SF3B3: variants seen among roughly 807,000 people sequenced by gnomAD.
SF3B3 encodes the protein splicing factor 3b subunit 3.
In SF3B3, 33 loss-of-function variants were observed where a neutral mutation model predicts 139.2. That is an observed-to-expected ratio of 0.24 (90% CI 0.18 to 0.32). The LOEUF (loss-of-function observed/expected upper bound fraction) is 0.32, where lower values mean the gene tolerates loss of function less well. SF3B3 is among the 10% of genes least tolerant of loss of function. SF3B3 has a pLI of 1.00. For missense variants in SF3B3, 818 were observed against 1,509.4 expected (o/e 0.54, Z 7.59); for synonymous variants, 596 against 563.6 (o/e 1.06, Z -0.81).
intron 11 of SF3B3, among the ~76,000 whole-genome samples, chr16:70,553,565 A>C (rs78196049): frequency 0.032 from 4,816 of 151,812 alleles, 287 homozygotes; most frequent in African/African-American, 0.11. Flanking sequence ...TTAAAAAATT[A>C]GCATGCCTTT....
chr16:70,526,601 G>A lies in SF3B3; in HGVS notation c.-56G>A, dbSNP rs1449462627. ...TGTTTTCTTAGCTTTCTTGGACTCC[G>A]TACTGTTGGTGTAACCAAGGCCTGG... On this transcript the variant is annotated 5_prime_UTR_variant, in exon 2 of 26. Coordinates refer to ENST00000302516, the MANE Select transcript of SF3B3 (RefSeq NM_012426.5). 1.3e-5 allele frequency: 16 copies of A among 1,244,908 alleles called. No homozygotes were observed. Among genetic ancestry groups the A allele is most frequent in the Non-Finnish European group, 1.5e-5 (13 of 854,132 alleles). 77.1% of individuals were successfully genotyped at this position (1,244,908 alleles called of 1,614,324 possible).
chr16:70,554,709 A>G, intron 12 of SF3B3, 112 bp downstream of exon 12: 1 of 1,096,536 alleles, frequency 9.1e-7, no homozygotes, highest in Non-Finnish European at 1.3e-6. Flanking sequence ...AGCAAGCCTT[A>G]GGGGTAGGGA....
intron 5 of SF3B3, 24 bp from the exon 6 acceptor site, chr16:70,535,284 G>T: frequency 7.7e-7 from 1 of 1,294,310 alleles, no homozygotes; most frequent in Non-Finnish European, 1.1e-6. Context: ...CAAAGTCACT[G>T]CTAAGTTTTA....
intron 8 of SF3B3, among the ~76,000 whole-genome samples, 194 bp from the exon 9 acceptor site, chr16:70,541,471 TACTC>T (rs759259103): frequency 1.3e-5 from 2 of 152,216 alleles, no homozygotes; most frequent in Non-Finnish European, 2.9e-5. Context: ...ATAAATAAAA[TACTC>T]ACTGCACTTC....
rs538127844 is a variant in SF3B3, at chr16:70,558,314, C to T, written c.2010+1285C>T. ...AAAAAAAAATAGAGATAGGGTCTCG[C>T]TGTGTTGCTCAGACTGGTCTTGAAC... On this transcript the variant is annotated intron_variant, in intron 15 of 25. Transcript: ENST00000302516. Among the ~76,000 whole-genome samples, 4 of 151,036 alleles carry T rather than the reference C, an allele frequency of 2.6e-5. No homozygotes were observed. In the South Asian group the frequency reaches 8.4e-4, roughly 32 times the overall value.
Position 70,530,895 on chromosome 16 carries a change from C to T in SF3B3, c.548C>T (p.Ala183Val). The T allele has an allele frequency of 6.2e-7, 1 of 1,612,870 alleles. No homozygotes were observed. The highest frequency in any genetic ancestry group is 8.5e-7 in the Non-Finnish European group (1 of 1,179,524). Residue 183 changes from alanine (A) to valine (V), a missense_variant, in exon 4 of 26, where the codon GCT (alanine) becomes GTT (valine). Around this residue, in one of 14 missense-constraint regions of SF3B3, gnomAD observed 144 missense variants for 259.2 expected, o/e 0.56. Coordinates refer to ENST00000302516, the MANE Select transcript of SF3B3 (RefSeq NM_012426.5). Reference protein sequence around the residue: ...VDVGFENPMFACLEMDYEEAD... With the variant: ...VDVGFENPMFVCLEMDYEEAD... Reference sequence around the variant, plus strand: ...GTCGGATTTGAAAATCCAATGTTTGCTTGTCTGGAAATGGATTATGAGGTA... The same window carrying T: ...GTCGGATTTGAAAATCCAATGTTTGTTTGTCTGGAAATGGATTATGAGGTA...
Position 70,572,976 on chromosome 16 carries a change from T to C in SF3B3, c.*1163T>C, listed in dbSNP as rs1222638689. 6.6e-6 allele frequency: 1 copy of C among 152,176 alleles called. No individual in the cohort carries two copies. The highest frequency in any genetic ancestry group is 2.4e-5 in the African/African-American group (1 of 41,438). The allele number at this position is 152,176 out of a possible 1,614,324, so 9.4% of individuals were successfully genotyped here. On this transcript the variant is annotated 3_prime_UTR_variant, in exon 26 of 26. Transcript: ENST00000302516. ...TACTTCACAAATGTAAAACTTTCTT[T>C]CGTCTGCATGTGCTCAGCCATCTAA...
At position 70,572,223 on chromosome 16, in the gene SF3B3, G is replaced by T; in HGVS notation, c.*410G>T. The T allele has an allele frequency of 2.3e-6, 1 of 438,628 alleles. No homozygotes were observed. The highest frequency in any genetic ancestry group is 4.6e-6 in the Non-Finnish European group (1 of 218,772). The allele number at this position is 438,628 out of a possible 1,614,324, so 27.2% of individuals were successfully genotyped here. A position where few individuals can be genotyped will look rare whatever the true frequency, so the allele number is the denominator to read the frequency against. On this transcript the variant is annotated 3_prime_UTR_variant, in exon 26 of 26. Coordinates refer to ENST00000302516, the MANE Select transcript of SF3B3 (RefSeq NM_012426.5). ...AAGGAGGCAGGCTGTGGTGGGACTG[G>T]GTAGGGTATAGTATCACTCCTGAGT...
At chr16:70,566,176 T>C (rs886507931) in intron 20 of SF3B3, among the ~76,000 whole-genome samples, 2 of 151,868 alleles carry the variant, frequency 1.3e-5, no homozygotes, top group African/African-American at 4.8e-5. Context: ...TACTGTTTAA[T>C]GGGTACAGAG....
chr16:70,527,496 A>G (rs998072771), intron 2 of SF3B3, among the ~76,000 whole-genome samples: 4 of 152,234 alleles, frequency 2.6e-5, no homozygotes, highest in Non-Finnish European at 5.9e-5. Flanking sequence ...TTAATGTGGT[A>G]CTGAGAGGCA....
chr16:70,526,688 C>T lies in SF3B3; in HGVS notation c.32C>T (p.Ala11Val). The T allele has an allele frequency of 6.2e-7, 1 of 1,613,994 alleles. No homozygotes were observed. Among genetic ancestry groups the T allele is most frequent in the Non-Finnish European group, 8.5e-7 (1 of 1,179,904 alleles). MFLYNLTLQR[A>V]TGISFAIHGN... ...CTGTACAACTTAACCTTGCAGAGAG[C>T]CACTGGCATCAGCTTTGCCATTCAT... The change falls in exon 2 of 26, where the codon GCC becomes GTC. Residue 11 changes from alanine (A) to valine (V), a missense_variant. By Grantham distance (64) the Ala-to-Val change is moderately conservative. Transcript: ENST00000302516.
Position 70,528,883 on chromosome 16 carries a change from A to G in SF3B3, c.81A>G (p.Gln27=), listed in dbSNP as rs1391288507. ...TTTTTGGTGATCTAGGAACCAAACA[A>G]CAAGAAATTGTTGTTTCCCGTGGGA... ...AIHGNFSGTK[Q]QEIVVSRGKI... is the part of the protein sequence containing the mutation. Residue 27 remains glutamine (Q), a synonymous_variant, in exon 3 of 26, where the codon CAA becomes CAG. Coordinates refer to ENST00000302516, the MANE Select transcript of SF3B3 (RefSeq NM_012426.5). The G allele has an allele frequency of 3.1e-6, 5 of 1,607,416 alleles. No homozygotes were observed. The Admixed American group carries it at 8.4e-5, about 27-fold the overall frequency.
At chr16:70,536,515 C>T (rs1285826037) in intron 6 of SF3B3, among the ~76,000 whole-genome samples, 2 of 151,754 alleles carry the variant, frequency 1.3e-5, no homozygotes, top group Non-Finnish European at 2.9e-5. Context: ...CAGGCGCCCA[C>T]CACCACGCCC....
chr16:70,569,329 T>G (rs1186324154), intron 23 of SF3B3, among the ~76,000 whole-genome samples, 188 bp downstream of exon 23: 1 of 152,086 alleles, frequency 6.6e-6, no homozygotes, highest in Non-Finnish European at 1.5e-5. Flanking sequence ...TTAGAGAGAG[T>G]CCATTCCCAG....
chr16:70,546,153 T>C (rs1008283055), intron 10 of SF3B3, among the ~76,000 whole-genome samples: 3 of 152,168 alleles, frequency 2.0e-5, no homozygotes, highest in Non-Finnish European at 4.4e-5. Flanking sequence ...TTATTTTTGG[T>C]AGAGACAGGG....
intron 12 of SF3B3, 135 bp downstream of exon 12, chr16:70,554,732 G>C: frequency 1.2e-6 from 1 of 861,062 alleles, no homozygotes; most frequent in Non-Finnish European, 1.8e-6. Flanking sequence ...ATATGATTTG[G>C]GCACATAATA....
At chr16:70,560,300 TGA>T in intron 15 of SF3B3, 167 bp from the exon 16 acceptor site, 3 of 563,942 alleles carry the variant, frequency 5.3e-6, no homozygotes, top group African/African-American at 1.9e-5. Context: ...AGTGATTTAC[TGA>T]GAGAATGAAA....
intron 11 of SF3B3, among the ~76,000 whole-genome samples, chr16:70,553,681 G>T (rs2050351008): frequency 7.8e-6 from 1 of 128,672 alleles, no homozygotes; most frequent in Non-Finnish European, 1.6e-5. Flanking sequence ...GGCCTTTATG[G>T]GATCTGTAGA....
intron 2 of SF3B3, among the ~76,000 whole-genome samples, chr16:70,528,664 C>G (rs1047747918): frequency 6.6e-6 from 1 of 152,016 alleles, no homozygotes; most frequent in Non-Finnish European, 1.5e-5. Context: ...GTTGCCCAGG[C>G]CGGAGTGCAG....
Sources: allele counts gnomAD v4.1 joint callset (sites outside exome capture counted in the v4.1 genomes callset), GRCh38; gene constraint gnomAD v4.1.1; regional missense constraint gnomAD v4.1.1; transcripts MANE v1.5; gene names NCBI Gene and HGNC (gene_info 2026-07-23, HGNC 2026-07-21).